DPP10: variants seen among roughly 807,000 people sequenced by gnomAD.
DPP10 encodes inactive dipeptidyl peptidase 10.
In DPP10, 33 loss-of-function variants were observed where a neutral mutation model predicts 120.9. The ratio of observed to expected loss-of-function variants is 0.27; its 90% CI spans 0.21 to 0.37. The LOEUF (loss-of-function observed/expected upper bound fraction) is 0.37, where lower values mean the gene tolerates loss of function less well. Ranked by LOEUF, DPP10 falls within the 10% of genes least tolerant of loss-of-function variation. The probability of loss-of-function intolerance (pLI) is 1.00; values close to 1 mark genes in which losing one functional copy is unlikely to be tolerated. For synonymous variants in DPP10, 337 were observed against 326.1 expected (o/e 1.03, Z -0.36); for missense variants, 816 against 942.8 (o/e 0.87, Z 1.76).
intron 7 of DPP10, among the ~76,000 whole-genome samples, chr2:115,712,738 C>T (rs2092372377): frequency 1.3e-5 from 2 of 150,562 alleles, no homozygotes; most frequent in Non-Finnish European, 3.0e-5. Flanking sequence ...AGAAATCAAA[C>T]CGCTACAAAA....
At chr2:114,545,776 T>C (rs986777707) in intron 1 of DPP10, among the ~76,000 whole-genome samples, 2 of 152,212 alleles carry the variant, frequency 1.3e-5, no homozygotes, top group Non-Finnish European at 2.9e-5. Flanking sequence ...TTATAATAAT[T>C]ATTATTTTGC....
chr2:115,007,053 G>C lies in DPP10; in HGVS notation c.61-302186G>C, dbSNP rs540066642. ...ACAGTGCAATCCAACTAGAACTCAG[G>C]ATTAAGAATCTCACTCAAAACTTCT... is the stretch of plus-strand genomic sequence containing the variant. On this transcript the variant is annotated intron_variant, in intron 1 of 25. Transcript: ENST00000410059. Among the ~76,000 whole-genome samples the C allele has an allele frequency of 4.6e-5, 7 of 152,080 alleles. No homozygotes were observed. The South Asian group carries it at 1.5e-3, about 32-fold the overall frequency.
intron 1 of DPP10, among the ~76,000 whole-genome samples, chr2:114,521,804 G>GTTTTTTTTT (rs758908081): frequency 8.9e-6 from 1 of 112,756 alleles, no homozygotes; most frequent in Non-Finnish European, 1.8e-5. Flanking sequence ...ATTATCCAAG[G>GTTTTTTTTT]TTTTTTTTTT....
At chr2:115,403,844 C>T (rs997384761) in intron 3 of DPP10, among the ~76,000 whole-genome samples, 2 of 151,948 alleles carry the variant, frequency 1.3e-5, no homozygotes, top group Non-Finnish European at 2.9e-5. Context: ...GTGTAAAACA[C>T]CTTAAAGACA....
intron 1 of DPP10, among the ~76,000 whole-genome samples, chr2:114,591,094 C>T (rs1454155352): frequency 6.6e-6 from 1 of 152,164 alleles, no homozygotes; most frequent in Non-Finnish European, 1.5e-5. Context: ...ACATCCCATG[C>T]AGAGCAGGGA....
intron 5 of DPP10, among the ~76,000 whole-genome samples, chr2:115,595,788 A>G (rs2082952429): frequency 6.6e-6 from 1 of 152,062 alleles, no homozygotes; most frequent in Non-Finnish European, 1.5e-5. Flanking sequence ...ATTTAAAACA[A>G]TTCTTATAAA....
chr2:115,553,121 A>G (rs1274096388), intron 5 of DPP10, among the ~76,000 whole-genome samples: 1 of 152,092 alleles, frequency 6.6e-6, no homozygotes, highest in Non-Finnish European at 1.5e-5. Context: ...TAATGTGACC[A>G]TTTCAATGTA....
intron 1 of DPP10, among the ~76,000 whole-genome samples, chr2:115,270,820 C>G (rs116705958): frequency 6.6e-6 from 1 of 152,220 alleles, no homozygotes; most frequent in Admixed American, 6.5e-5. Context: ...GGTAGTGTTC[C>G]AGGAAGCTAC....
At chr2:115,810,809 A>G (rs1176759992) in intron 19 of DPP10, among the ~76,000 whole-genome samples, 2 of 152,106 alleles carry the variant, frequency 1.3e-5, no homozygotes, top group African/African-American at 4.8e-5. Flanking sequence ...GATTTCTGAG[A>G]CAGAGATAAA....
At chr2:115,301,219 C>A (rs1574346961) in intron 1 of DPP10, among the ~76,000 whole-genome samples, 1 of 151,990 alleles carries the variant, frequency 6.6e-6, no homozygotes, top group South Asian at 2.1e-4. Context: ...CTTGCCTTAA[C>A]AAACATCTTG....
Position 115,782,360 on chromosome 2 carries a change from G to A in DPP10, c.1492G>A (p.Val498Ile). Residue 498 changes from valine to isoleucine, a missense_variant, in exon 17 of 26, where the codon GTC (valine) becomes ATC (isoleucine). Val to Ile is a conservative substitution (Grantham distance 29). Around this residue, in one of 3 missense-constraint regions of DPP10, gnomAD observed 592 missense variants for 649.0 expected, o/e 0.91. Transcript: ENST00000410059. ...HFLLFCEGPR[V>I]PVVSLHSTDN... ...ATATTTTTAAATTCCAGGTCCAAGG[G>A]TCCCAGTGGTCAGCCTACATAGTAC... 1 of 1,611,526 alleles carries A rather than the reference G, an allele frequency of 6.2e-7. No individual in the cohort carries two copies. The highest frequency in any genetic ancestry group is 8.5e-7 in the Non-Finnish European group (1 of 1,178,038).
chr2:115,805,002 T>C (rs1295166900), intron 19 of DPP10, among the ~76,000 whole-genome samples: 1 of 152,146 alleles, frequency 6.6e-6, no homozygotes, highest in Non-Finnish European at 1.5e-5. Context: ...TTGCTGTCTT[T>C]TGTTTGTCTG....
intron 1 of DPP10, among the ~76,000 whole-genome samples, chr2:115,053,169 GT>G (rs915941878): frequency 6.6e-6 from 1 of 152,116 alleles, no homozygotes; most frequent in African/African-American, 2.4e-5. Context: ...GAAAACTCAT[GT>G]TTAGAGCAGC....
At chr2:114,509,723 A>C (rs190410369) in intron 1 of DPP10, among the ~76,000 whole-genome samples, 1 of 152,332 alleles carries the variant, frequency 6.6e-6, no homozygotes, top group Admixed American at 6.5e-5. Context: ...GCTGTTAATA[A>C]GGGAAGATTT....
intron 3 of DPP10, among the ~76,000 whole-genome samples, chr2:115,388,972 A>T (rs1465338036): frequency 6.6e-6 from 1 of 152,196 alleles, no homozygotes; most frequent in Non-Finnish European, 1.5e-5. Flanking sequence ...CTGGAATCAC[A>T]GCAAAAGTAA....
chr2:114,999,766 A>G (rs1701320063), intron 1 of DPP10, among the ~76,000 whole-genome samples: 1 of 152,090 alleles, frequency 6.6e-6, no homozygotes, highest in Non-Finnish European at 1.5e-5. Context: ...CCTCCTCTGT[A>G]TAGTTTTCTA....
chr2:115,017,147 T>C (rs1171828664), intron 1 of DPP10, among the ~76,000 whole-genome samples: 3 of 151,452 alleles, frequency 2.0e-5, no homozygotes, highest in Non-Finnish European at 4.4e-5. Context: ...GCATGGCACA[T>C]GTATACATAC....
intron 1 of DPP10, among the ~76,000 whole-genome samples, chr2:114,630,701 T>C (rs1306884348): frequency 6.6e-6 from 1 of 152,090 alleles, no homozygotes; most frequent in Non-Finnish European, 1.5e-5. Context: ...CTTAAACCCT[T>C]AGCTGACTGT....
chr2:115,657,258 T>G (rs1487976281), intron 5 of DPP10, among the ~76,000 whole-genome samples: 1 of 151,648 alleles, frequency 6.6e-6, no homozygotes, highest in East Asian at 1.9e-4. Flanking sequence ...TCTCAGAAAA[T>G]TACATGAAAA....
Sources: gnomAD v4.1 joint callset for allele counts (sites outside exome capture counted in the v4.1 genomes callset) on GRCh38, gnomAD v4.1.1 for gene constraint, gnomAD v4.1.1 regional missense constraint, MANE v1.5 for transcripts, NCBI Gene and HGNC (gene_info 2026-07-23, HGNC 2026-07-21) for gene names.